The following KIAA1217 variants were observed in gnomAD, a reference collection of about 807,000 sequenced individuals.
KIAA1217 encodes the protein KIAA1217.
KIAA1217 carries 88 observed loss-of-function variants against 163.9 expected under a neutral mutation model. The ratio of observed to expected loss-of-function variants is 0.54; its 90% CI spans 0.45 to 0.64. KIAA1217 has a LOEUF of 0.64. KIAA1217 is among the 30% of genes least tolerant of loss of function. The pLI, the probability that KIAA1217 is intolerant of heterozygous loss-of-function variation, is 0.00. For missense variants in KIAA1217, 2,372 were observed against 2,475.0 expected, an observed-to-expected ratio of 0.96 and a Z score of 0.88; for synonymous variants, 903 against 923.1, an observed-to-expected ratio of 0.98 and a Z score of 0.39.
At chr10:24,505,637 G>C (rs543280424) in intron 9 of KIAA1217, among the ~76,000 whole-genome samples, 3 of 151,952 alleles carry the variant, frequency 2.0e-5, no homozygotes, top group Non-Finnish European at 2.9e-5. Flanking sequence ...GATAGGCTTG[G>C]CATAAAGAGA....
rs941087056 is a variant in KIAA1217 at position 24,080,978 on chromosome 10, C to T, written c.-171+73604C>T. 3.3e-5 allele frequency among the ~76,000 whole-genome samples: 5 copies of T among 152,242 alleles called. No individual in the cohort carries two copies. The East Asian group carries it at 9.6e-4, about 29-fold the overall frequency. ...GATAGGAGTTAACGTGTCACACAAA[C>T]CTATTCTGAAGCTTTCTACATCTTA... is the stretch of plus-strand genomic sequence containing the variant. On this transcript the variant is annotated intron_variant, in intron 2 of 18. Coordinates refer to the KIAA1217 transcript ENST00000376462.
chr10:24,039,378 C>G (rs1472464872), intron 2 of KIAA1217, among the ~76,000 whole-genome samples: 2 of 152,110 alleles, frequency 1.3e-5, no homozygotes, highest in Non-Finnish European at 2.9e-5. Context: ...AGAAACCATA[C>G]TTTGAATTTT....
intron 2 of KIAA1217, among the ~76,000 whole-genome samples, chr10:24,010,694 A>G (rs1024020717): frequency 3.2e-5 from 4 of 126,462 alleles, no homozygotes; most frequent in Admixed American, 1.6e-4. Flanking sequence ...CATTTGCTGG[A>G]AAAAAAAAAA....
At chr10:24,291,733 C>T (rs2079107599) in intron 2 of KIAA1217, among the ~76,000 whole-genome samples, 1 of 151,942 alleles carries the variant, frequency 6.6e-6, no homozygotes, top group Admixed American at 6.6e-5. Context: ...CAGCATTCAC[C>T]CATTTCATTT....
chr10:24,188,967 G>C (rs567447509), intron 2 of KIAA1217, among the ~76,000 whole-genome samples: 1 of 151,934 alleles, frequency 6.6e-6, no homozygotes, highest in African/African-American at 2.4e-5. Context: ...TTAGCCGGGC[G>C]TGGTGGCAGG....
At chr10:24,167,837 G>C (rs2065429546) in intron 2 of KIAA1217, among the ~76,000 whole-genome samples, 1 of 152,182 alleles carries the variant, frequency 6.6e-6, no homozygotes, top group Non-Finnish European at 1.5e-5. Context: ...AGATCAAGGG[G>C]TTGGCATCTG....
At chr10:24,083,353 C>G (rs2061597803) in intron 2 of KIAA1217, among the ~76,000 whole-genome samples, 1 of 152,116 alleles carries the variant, frequency 6.6e-6, no homozygotes, top group Admixed American at 6.5e-5. Context: ...ATGGGTGTCA[C>G]CAAGTTCAAA....
At chr10:24,150,012 T>A (rs1457561315) in intron 2 of KIAA1217, among the ~76,000 whole-genome samples, 2 of 152,172 alleles carry the variant, frequency 1.3e-5, no homozygotes, top group Non-Finnish European at 2.9e-5. Context: ...TCTGTATTTT[T>A]CTTTTTTCTT....
chr10:24,377,507 C>A (rs1246306791), intron 2 of KIAA1217, among the ~76,000 whole-genome samples: 2 of 152,074 alleles, frequency 1.3e-5, no homozygotes, highest in Non-Finnish European at 2.9e-5. Flanking sequence ...ACACTAACTC[C>A]AACATAAAGA....
At chr10:24,508,642 A>C (rs935996491) in intron 9 of KIAA1217, among the ~76,000 whole-genome samples, 1 of 152,262 alleles carries the variant, frequency 6.6e-6, no homozygotes, top group Non-Finnish European at 1.5e-5. Context: ...GCAAGATCAC[A>C]AGAATCAAGT....
Position 24,178,640 on chromosome 10 carries a change from A to G in KIAA1217, c.-170-40986A>G, listed in dbSNP as rs914561613. On this transcript the variant is annotated intron_variant, in intron 2 of 18. Coordinates refer to the KIAA1217 transcript ENST00000376462. ...AAAATAAGTAAAGGGAGGAAAAGGGACTCTTCTTATGTTAACTGAGTTCAA... is the reference window on the plus strand; with the variant it reads ...AAAATAAGTAAAGGGAGGAAAAGGGGCTCTTCTTATGTTAACTGAGTTCAA... Among the ~76,000 whole-genome samples the G allele has an allele frequency of 4.6e-4, 70 of 152,006 alleles. 1 individual carries two copies. The highest frequency in any genetic ancestry group is 1.6e-3 in the African/African-American group (66 of 41,374).
chr10:23,804,010 T>C (rs1836614062), intron 1 of KIAA1217, among the ~76,000 whole-genome samples: 1 of 152,208 alleles, frequency 6.6e-6, no homozygotes, highest in East Asian at 1.9e-4. Flanking sequence ...AATATAGACC[T>C]AAAATAATAT....
chr10:24,498,829 T>C (rs1038425669), intron 8 of KIAA1217, among the ~76,000 whole-genome samples: 2 of 152,152 alleles, frequency 1.3e-5, no homozygotes, highest in African/African-American at 4.8e-5. Context: ...AAAATTGCGC[T>C]GTGAAAGTTA....
chr10:24,434,023 CTCTTTTTTTTTTTTT>C (rs2059814302), intron 4 of KIAA1217, among the ~76,000 whole-genome samples: 1 of 114,418 alleles, frequency 8.7e-6, no homozygotes, highest in Non-Finnish European at 1.8e-5. Context: ...CTCTCTCTCT[CTCTTTTTTTTTTTTT>C]TTTTTTTTTT....
chr10:24,044,172 A>G lies in KIAA1217; in HGVS notation c.-171+36798A>G, dbSNP rs1848819855. Among the ~76,000 whole-genome samples, 4 of 152,176 alleles carry G rather than the reference A, an allele frequency of 2.6e-5. No individual in the cohort carries two copies. The South Asian group carries it at 8.3e-4, about 31-fold the overall frequency. ...CTTTAATCAGTATTTTTTAAATCCAACACATTGTATCATATAGCACCAATA... is the reference window on the plus strand; with the variant it reads ...CTTTAATCAGTATTTTTTAAATCCAGCACATTGTATCATATAGCACCAATA... On this transcript the variant is annotated intron_variant, in intron 2 of 18. Coordinates refer to the KIAA1217 transcript ENST00000376462.
intron 2 of KIAA1217, among the ~76,000 whole-genome samples, chr10:24,249,489 A>G (rs2074234237): frequency 1.3e-5 from 2 of 152,212 alleles, no homozygotes; most frequent in South Asian, 4.1e-4. Context: ...ATATCATTAG[A>G]AAAATGGGCC....
chr10:23,746,024 T>C (rs1479378112), intron 1 of KIAA1217, among the ~76,000 whole-genome samples: 3 of 152,216 alleles, frequency 2.0e-5, no homozygotes, highest in Non-Finnish European at 1.5e-5. Flanking sequence ...CAGTAACTTA[T>C]TGCTGCCATT....
At chr10:24,410,721 T>G (rs1190770862) in intron 3 of KIAA1217, among the ~76,000 whole-genome samples, 2 of 152,168 alleles carry the variant, frequency 1.3e-5, no homozygotes, top group Non-Finnish European at 2.9e-5. Context: ...ATGAACAAAT[T>G]GAGAGAATTT....
In KIAA1217 at chr10:23,868,553, G is replaced by C. The variant is rs560389273; in HGVS notation, c.-320-138672G>C. Among the ~76,000 whole-genome samples, 4 of 152,236 alleles carry C rather than the reference G, an allele frequency of 2.6e-5. No homozygotes were observed. In the South Asian group the frequency reaches 6.2e-4, roughly 24 times the overall value. ...AGTCAGCCTGGGTAAAGATGCAGTGGTTAGCTCCTTGTTTCTTCTGAAGGA... is the reference window on the plus strand; with the variant it reads ...AGTCAGCCTGGGTAAAGATGCAGTGCTTAGCTCCTTGTTTCTTCTGAAGGA... On this transcript the variant is annotated intron_variant, in intron 1 of 18. Coordinates refer to the KIAA1217 transcript ENST00000376462.
Sources: gnomAD v4.1 joint callset for allele counts (sites outside exome capture counted in the v4.1 genomes callset) on GRCh38, gnomAD v4.1.1 for gene constraint, MANE v1.5 for transcripts, NCBI Gene and HGNC (gene_info 2026-07-23, HGNC 2026-07-21) for gene names.